TBC1D4: variants seen among roughly 807,000 people sequenced by gnomAD.
TBC1D4 encodes TBC (Tre-2, BUB2, CDC16) domain-containing protein.
TBC1D4 carries 121 observed loss-of-function variants against 142.5 expected under a neutral mutation model. The observed-to-expected ratio is 0.85, with a 90% CI of 0.73 to 0.99. TBC1D4 has a LOEUF of 0.99. TBC1D4 is among the 50% of genes least tolerant of loss of function. The probability of loss-of-function intolerance (pLI) is 0.00; values close to 1 mark genes in which losing one functional copy is unlikely to be tolerated. For missense variants in TBC1D4, 1,475 were observed against 1,606.6 expected (o/e 0.92, Z 1.40); for synonymous variants, 630 against 628.2 (o/e 1.00, Z -0.04).
At chr13:75,295,311 T>G (rs968980574) in intron 17 of TBC1D4, among the ~76,000 whole-genome samples, 3 of 152,168 alleles carry the variant, frequency 2.0e-5, no homozygotes, top group African/African-American at 7.2e-5. Context: ...GCATTGCTTT[T>G]GGAATTTAAT....
chr13:75,354,632 G>A (rs752973314), intron 4 of TBC1D4, among the ~76,000 whole-genome samples: 2 of 152,094 alleles, frequency 1.3e-5, no homozygotes, highest in African/African-American at 4.8e-5. Context: ...CATGACAGAA[G>A]GATCAGTCCT....
At chr13:75,441,938 G>T (rs1009414174) in intron 1 of TBC1D4, among the ~76,000 whole-genome samples, 5 of 152,160 alleles carry the variant, frequency 3.3e-5, no homozygotes, top group Non-Finnish European at 7.3e-5. Context: ...CCAATGGCAT[G>T]GTGTAGCTGC....
chr13:75,439,089 T>C (rs1480626695), intron 1 of TBC1D4, among the ~76,000 whole-genome samples: 2 of 152,180 alleles, frequency 1.3e-5, no homozygotes, highest in Non-Finnish European at 2.9e-5. Flanking sequence ...AGAAGTTCTA[T>C]AAATGTGTTT....
At chr13:75,345,420 C>A (rs1396937427) in intron 5 of TBC1D4, among the ~76,000 whole-genome samples, 3 of 152,126 alleles carry the variant, frequency 2.0e-5, no homozygotes, top group African/African-American at 4.8e-5. Flanking sequence ...AGAGTGTGAT[C>A]CAGGGACTTA....
intron 14 of TBC1D4, 117 bp downstream of exon 14, chr13:75,309,825 A>T (rs1471632918): frequency 2.1e-6 from 2 of 945,734 alleles, no homozygotes; most frequent in Non-Finnish European, 3.3e-6. Flanking sequence ...ATTCTTCTTA[A>T]AGTGTGCATA....
At chr13:75,408,124 C>G (rs564791601) in intron 1 of TBC1D4, among the ~76,000 whole-genome samples, 1 of 152,130 alleles carries the variant, frequency 6.6e-6, no homozygotes, top group Non-Finnish European at 1.5e-5. Context: ...CTGGACCTTA[C>G]CCCCTTCCCC....
intron 1 of TBC1D4, among the ~76,000 whole-genome samples, chr13:75,412,652 A>G (rs1487529226): frequency 6.6e-6 from 1 of 152,152 alleles, no homozygotes; most frequent in African/African-American, 2.4e-5. Context: ...AGGGCCAAAT[A>G]AACTAAATTG....
chr13:75,447,127 G>A (rs1887319760), intron 1 of TBC1D4, among the ~76,000 whole-genome samples: 1 of 152,166 alleles, frequency 6.6e-6, no homozygotes, highest in Admixed American at 6.6e-5. Context: ...CTTTTAGTCG[G>A]TGGACTTGAT....
chr13:75,288,652 C>A (rs1210504147), intron 20 of TBC1D4, among the ~76,000 whole-genome samples: 1 of 152,132 alleles, frequency 6.6e-6, no homozygotes, highest in Non-Finnish European at 1.5e-5. Flanking sequence ...ACATTCAATT[C>A]CTCCTCCCTT....
chr13:75,410,125 A>G (rs527699385), intron 1 of TBC1D4, among the ~76,000 whole-genome samples: 1 of 152,346 alleles, frequency 6.6e-6, no homozygotes, highest in Non-Finnish European at 1.5e-5. Flanking sequence ...GTACGTAAAT[A>G]ACGGTGTATG....
chr13:75,453,578 T>C lies in TBC1D4; in HGVS notation c.498+27692A>G, dbSNP rs1008719765. ...AACATTTTCTATTTTAAAAAGATTC[T>C]TGGCTGGGCGCGGTGGCTCACACCC... On this transcript the variant is annotated intron_variant, in intron 1 of 20. Transcript: ENST00000377636. 1.5e-4 allele frequency among the ~76,000 whole-genome samples: 23 copies of C among 152,162 alleles called. 1 individual carries two copies. The highest frequency in any genetic ancestry group is 1.4e-3 in the Admixed American group (21 of 15,260).
intron 11 of TBC1D4, among the ~76,000 whole-genome samples, chr13:75,321,033 C>A (rs534072927): frequency 6.6e-6 from 1 of 150,836 alleles, no homozygotes; most frequent in Admixed American, 6.6e-5. Context: ...CAGCAAGACT[C>A]CATCTCAAAA....
At chr13:75,416,795 G>A (rs1476288264) in intron 1 of TBC1D4, among the ~76,000 whole-genome samples, 3 of 152,174 alleles carry the variant, frequency 2.0e-5, no homozygotes, top group African/African-American at 4.8e-5. Flanking sequence ...CAAAGGGAAA[G>A]TGTCACCCTC....
In TBC1D4 at chr13:75,294,976, T is replaced by C. The variant is rs371571756; in HGVS notation, c.3194A>G (p.Tyr1065Cys). The change falls in exon 18 of 21, where the codon TAT (tyrosine) becomes TGT (cysteine). Residue 1065 changes from tyrosine to cysteine, a missense_variant. By Grantham distance (194) the Tyr-to-Cys change is radical. This residue lies in a region of TBC1D4 where 248 missense variants were observed against 338.9 expected (regional missense o/e 0.73). Transcript: ENST00000377636. ...MYQLSRLLHD[Y>C]HRDLYNHLEE... ...AAGGTGATTGTAGAGATCTCTGTGA[T>C]AGTCATGAAGGAGCCTGGACAGCTG... 17 of 1,613,826 alleles carry C rather than the reference T, an allele frequency of 1.1e-5. No homozygotes were observed. The highest frequency in any genetic ancestry group is 1.3e-5 in the Non-Finnish European group (15 of 1,179,874).
chr13:75,449,118 T>C (rs1229547368), intron 1 of TBC1D4, among the ~76,000 whole-genome samples: 1 of 151,968 alleles, frequency 6.6e-6, no homozygotes, highest in Non-Finnish European at 1.5e-5. Context: ...TATTAACACA[T>C]ATAATACTAA....
At chr13:75,292,071 C>T (rs1175459647) in intron 19 of TBC1D4, 31 bp downstream of exon 19, 1 of 1,572,338 alleles carries the variant, frequency 6.4e-7, no homozygotes, top group African/African-American at 1.4e-5. Flanking sequence ...GAGAAAACTG[C>T]TATATAATAC....
chr13:75,481,360 G>A lies in TBC1D4; in HGVS notation c.408C>T (p.Leu136=). The A allele has an allele frequency of 1.2e-6, 2 of 1,613,958 alleles. No homozygotes were observed. The highest frequency in any genetic ancestry group is 1.7e-6 in the Non-Finnish European group (2 of 1,179,854). Residue 136 remains leucine (L), a synonymous_variant, in exon 1 of 21, where the codon CTC becomes CTT. Transcript: ENST00000377636. The stretch of plus-strand genomic sequence containing the variant: ...CCTTGATCAGGTAGGCAAAGTAGGT[G>A]AGGTCGTGGCTGTTGTGGATGAAGC... ...ISRFIHNSHD[L]TYFAYLIKAQ... is the part of the protein sequence containing the mutation.
In TBC1D4 at chr13:75,289,023, A is replaced by G. The variant is rs1330448139; in HGVS notation, c.3574T>C (p.Ser1192Pro). The part of the protein sequence containing the change: ...LQDELQESSY[S>P]CEDSETLEKL... ...TCCAAAGTTTCACTATCCTCACAGGAATATGAAGATTCCTGAAGCTCATCC... is the reference window on the plus strand; with the variant it reads ...TCCAAAGTTTCACTATCCTCACAGGGATATGAAGATTCCTGAAGCTCATCC... The change falls in exon 20 of 21, where the codon TCC becomes CCC. Residue 1192 changes from serine to proline, a missense_variant. By Grantham distance (74) the Ser-to-Pro change is moderately conservative. This residue lies in a region of TBC1D4 where 248 missense variants were observed against 338.9 expected (regional missense o/e 0.73). Coordinates refer to ENST00000377636, the MANE Select transcript of TBC1D4 (RefSeq NM_014832.5). 6.2e-7 allele frequency: 1 copy of G among 1,613,932 alleles called. No homozygotes were observed. The highest frequency in any genetic ancestry group is 1.7e-5 in the Admixed American group (1 of 59,974).
intron 1 of TBC1D4, among the ~76,000 whole-genome samples, chr13:75,465,238 A>G (rs1888120866): frequency 6.6e-6 from 1 of 152,120 alleles, no homozygotes; most frequent in Admixed American, 6.6e-5. Context: ...GCTGTTTTTC[A>G]CTTAGTTTTG....
Sources: gnomAD v4.1 joint callset for allele counts (sites outside exome capture counted in the v4.1 genomes callset) on GRCh38, gnomAD v4.1.1 for gene constraint, gnomAD v4.1.1 regional missense constraint, MANE v1.5 for transcripts, NCBI Gene and HGNC (gene_info 2026-07-23, HGNC 2026-07-21) for gene names.